Variants in KCNC2 observed in about 807,000 individuals in gnomAD.
The protein encoded by KCNC2 is voltage-gated potassium channel KCNC2.
KCNC2 carries 21 observed loss-of-function variants against 44.5 expected under a neutral mutation model. The ratio of observed to expected loss-of-function variants is 0.47; its 90% CI spans 0.33 to 0.68. The LOEUF is 0.68. KCNC2 is among the 30% of genes least tolerant of loss of function. The pLI is 0.01. For synonymous variants in KCNC2, 391 were observed against 339.1 expected, an observed-to-expected ratio of 1.15 and a Z score of -1.68; for missense variants, 589 against 826.2, an observed-to-expected ratio of 0.71 and a Z score of 3.52.
intron 2 of KCNC2, among the ~76,000 whole-genome samples, chr12:75,085,747 C>G (rs1355865029): frequency 6.6e-6 from 1 of 151,996 alleles, no homozygotes; most frequent in Non-Finnish European, 1.5e-5. Flanking sequence ...TTCATTCTTT[C>G]ACAATAGTAC....
At chr12:75,162,807 T>C (rs1891206243) in intron 2 of KCNC2, among the ~76,000 whole-genome samples, 1 of 151,702 alleles carries the variant, frequency 6.6e-6, no homozygotes, top group Non-Finnish European at 1.5e-5. Flanking sequence ...TGCATGTTAG[T>C]GGAAGGTAAT....
At chr12:75,118,627 G>A (rs1887840635) in intron 2 of KCNC2, among the ~76,000 whole-genome samples, 1 of 152,130 alleles carries the variant, frequency 6.6e-6, no homozygotes, top group Admixed American at 6.6e-5. Context: ...AAGTCAGAAG[G>A]AAAGGCTGGG....
chr12:75,077,798 A>T (rs1884133340), intron 2 of KCNC2, among the ~76,000 whole-genome samples: 1 of 152,176 alleles, frequency 6.6e-6, no homozygotes, highest in South Asian at 2.1e-4. Flanking sequence ...GTTAAGGGGC[A>T]AATGAGTTCA....
intron 2 of KCNC2, among the ~76,000 whole-genome samples, chr12:75,138,628 A>G (rs1386054853): frequency 1.3e-5 from 2 of 152,126 alleles, no homozygotes; most frequent in African/African-American, 2.4e-5. Flanking sequence ...TTTGGGCAAG[A>G]AATTAGAAGA....
chr12:75,153,613 C>A (rs1890558372), intron 2 of KCNC2, among the ~76,000 whole-genome samples: 1 of 151,032 alleles, frequency 6.6e-6, no homozygotes, highest in Non-Finnish European at 1.5e-5. Flanking sequence ...TCCCCTAAAT[C>A]TATAATAATA....
chr12:75,056,196 G>T (rs949211155), intron 2 of KCNC2, among the ~76,000 whole-genome samples: 4 of 151,954 alleles, frequency 2.6e-5, no homozygotes, highest in Non-Finnish European at 4.4e-5. Flanking sequence ...AAATTCTGTT[G>T]ATTTGGTATG....
At chr12:75,132,006 G>A (rs999005195) in intron 2 of KCNC2, among the ~76,000 whole-genome samples, 1 of 152,118 alleles carries the variant, frequency 6.6e-6, no homozygotes, top group Non-Finnish European at 1.5e-5. Context: ...AACTAATGGA[G>A]AAGCCTTGTC....
At chr12:75,109,135 C>A (rs1887021773) in intron 2 of KCNC2, among the ~76,000 whole-genome samples, 1 of 152,130 alleles carries the variant, frequency 6.6e-6, no homozygotes, top group Admixed American at 6.6e-5. Context: ...TAGAGGGATT[C>A]ATGTGATTAT....
chr12:75,178,846 G>A (rs1036647167), intron 2 of KCNC2, among the ~76,000 whole-genome samples: 33 of 152,042 alleles, frequency 2.2e-4, no homozygotes, highest in Admixed American at 3.3e-4. Context: ...AATGGTGCAA[G>A]TATTTAAGCC....
chr12:75,095,019 G>A (rs1214042987), intron 2 of KCNC2, among the ~76,000 whole-genome samples: 2 of 151,796 alleles, frequency 1.3e-5, no homozygotes, highest in African/African-American at 4.8e-5. Context: ...ATATGAATAA[G>A]GCTTGAAGGC....
intron 2 of KCNC2, among the ~76,000 whole-genome samples, chr12:75,156,974 C>A (rs1247645082): frequency 6.6e-6 from 1 of 151,824 alleles, no homozygotes; most frequent in African/African-American, 2.4e-5. Flanking sequence ...AACCAACTTA[C>A]TTCAAGAAAT....
intron 4 of KCNC2, chr12:75,043,895 A>C: frequency 1.2e-6 from 1 of 821,324 alleles, no homozygotes; most frequent in Non-Finnish European, 1.8e-6. Flanking sequence ...ATAAGTTTGA[A>C]TTTGATTACA....
At chr12:75,071,937 CAAAAAAAAAAAAAA>C (rs751849483) in intron 2 of KCNC2, among the ~76,000 whole-genome samples, 11 of 67,360 alleles carry the variant, frequency 1.6e-4, no homozygotes, top group South Asian at 6.2e-4. Context: ...GACTCCTTCT[CAAAAAAAAAAAAAA>C]AAAAAAAAAA....
intron 2 of KCNC2, among the ~76,000 whole-genome samples, chr12:75,188,207 C>T (rs1448998148): frequency 6.6e-6 from 1 of 152,130 alleles, no homozygotes; most frequent in Non-Finnish European, 1.5e-5. Flanking sequence ...TATTTGAGCA[C>T]TAACTGTTTC....
intron 2 of KCNC2, among the ~76,000 whole-genome samples, chr12:75,089,526 T>C (rs1472740218): frequency 1.3e-5 from 2 of 151,892 alleles, no homozygotes; most frequent in African/African-American, 4.8e-5. Context: ...TTATAAATTT[T>C]AAAATATTGA....
chr12:75,085,638 C>G (rs540620355), intron 2 of KCNC2, among the ~76,000 whole-genome samples: 4 of 152,128 alleles, frequency 2.6e-5, no homozygotes, highest in South Asian at 4.1e-4. Context: ...TCTCTTAGGT[C>G]ACACATATCT....
chr12:75,109,907 T>C (rs1887088903), intron 2 of KCNC2, among the ~76,000 whole-genome samples: 1 of 152,012 alleles, frequency 6.6e-6, no homozygotes, highest in Non-Finnish European at 1.5e-5. Flanking sequence ...TTTTTTTAAA[T>C]TGGTAGAGGA....
chr12:75,148,883 G>T (rs982951004), intron 2 of KCNC2, among the ~76,000 whole-genome samples: 1 of 151,398 alleles, frequency 6.6e-6, no homozygotes, highest in Non-Finnish European at 1.5e-5. Context: ...ACAATTTGAG[G>T]ATTTCCCCAT....
chr12:75,072,526 C>T (rs1883521163), intron 2 of KCNC2, among the ~76,000 whole-genome samples: 1 of 151,666 alleles, frequency 6.6e-6, no homozygotes, highest in Non-Finnish European at 1.5e-5. Context: ...TTCTATGTAA[C>T]TGAAGTCTTA....
Sources: gnomAD v4.1 joint callset for allele counts (sites outside exome capture counted in the v4.1 genomes callset) on GRCh38, gnomAD v4.1.1 for gene constraint, MANE v1.5 for transcripts, NCBI Gene and HGNC (gene_info 2026-07-23, HGNC 2026-07-21) for gene names.